SLC25A48: variants seen among roughly 807,000 people sequenced by gnomAD.
SLC25A48 encodes the protein solute carrier family 25 member 48, also known as CTC-321K16.1.
Under a neutral mutation model 32.2 loss-of-function variants are expected in SLC25A48, and 29 were observed. That is an observed-to-expected ratio of 0.90 (90% CI 0.67 to 1.23). SLC25A48 has a LOEUF of 1.23. SLC25A48 is among the 50% of genes most tolerant of loss of function. The pLI, the probability that SLC25A48 is intolerant of heterozygous loss-of-function variation, is 0.00. For synonymous variants in SLC25A48, 164 were observed against 172.3 expected (o/e 0.95, Z 0.38); for missense variants, 399 against 422.7 (o/e 0.94, Z 0.49).
intron 1 of SLC25A48, among the ~76,000 whole-genome samples, chr5:135,597,796 G>T (rs966520175): frequency 6.6e-6 from 1 of 152,164 alleles, no homozygotes; most frequent in East Asian, 1.9e-4. Context: ...CTGAGGTCAG[G>T]AATTTGAGAC....
Position 135,834,811 on chromosome 5 carries a change from T to A in SLC25A48, c.-37T>A. On this transcript the variant is annotated 5_prime_UTR_variant, in exon 1 of 8. Coordinates refer to ENST00000681962, the MANE Select transcript of SLC25A48 (RefSeq NM_001349336.2). ...TGCCCCACTGACTCTAAGTGGGCAC[T>A]GCCCCGGCTCCGGGAGGGCGAGACC... The A allele has an allele frequency of 6.4e-7, 1 of 1,563,220 alleles. No homozygotes were observed. Among genetic ancestry groups the A allele is most frequent in the Non-Finnish European group, 8.7e-7 (1 of 1,154,822 alleles).
At chr5:135,852,890 G>T in intron 4 of SLC25A48, 69 bp downstream of exon 4, 1 of 1,523,874 alleles carries the variant, frequency 6.6e-7, no homozygotes, top group Non-Finnish European at 8.8e-7. Context: ...TGGGATCTGG[G>T]ACATGGTTGT....
chr5:135,762,985 T>C (rs1197756393), intron 3 of SLC25A48, among the ~76,000 whole-genome samples: 1 of 151,934 alleles, frequency 6.6e-6, no homozygotes, highest in East Asian at 1.9e-4. Context: ...CATGTGTATA[T>C]GTGAACGTGA....
chr5:135,704,773 A>G (rs1754470186), intron 3 of SLC25A48, among the ~76,000 whole-genome samples: 1 of 152,358 alleles, frequency 6.6e-6, no homozygotes, highest in African/African-American at 2.4e-5. Flanking sequence ...TCACAGAGCC[A>G]GGATTCAAAT....
chr5:135,652,511 A>G (rs1273560078), intron 3 of SLC25A48: 1 of 452,640 alleles, frequency 2.2e-6, no homozygotes, highest in Admixed American at 2.4e-5. Flanking sequence ...TGGAATTAAC[A>G]GGTCTCACTA....
chr5:135,790,423 G>T lies in SLC25A48; in HGVS notation c.-520-22100G>T, dbSNP rs147227407. 4.8e-4 allele frequency among the ~76,000 whole-genome samples: 73 copies of T among 151,764 alleles called. 1 individual carries two copies. In the East Asian group the frequency reaches 0.013, roughly 27 times the overall value. ...AGTTGTTACTCTTAATGTCACAGTGGGTGTACACGATTTGTGTACATCCTG... is the reference window on the plus strand; with the variant it reads ...AGTTGTTACTCTTAATGTCACAGTGTGTGTACACGATTTGTGTACATCCTG... On this transcript the variant is annotated intron_variant, in intron 3 of 10. Transcript: ENST00000646290.
At position 135,735,248 on chromosome 5, in the gene SLC25A48, G is replaced by A. The variant is rs138654032; in HGVS notation, c.-520-77275G>A. On this transcript the variant is annotated intron_variant, in intron 3 of 10. Coordinates refer to the SLC25A48 transcript ENST00000646290. ...GCTGGGATTTTGTCTCACGGTGGAG[G>A]CAAGTAATTGTAACTTTTCTCTATT... Among the ~76,000 whole-genome samples the A allele has an allele frequency of 5.2e-3, 786 of 152,340 alleles. 4 individuals carry two copies. Among genetic ancestry groups the A allele is most frequent in the African/African-American group, 0.018 (754 of 41,598 alleles).
At chr5:135,748,760 C>T (rs1755701109) in intron 3 of SLC25A48, among the ~76,000 whole-genome samples, 1 of 144,808 alleles carries the variant, frequency 6.9e-6, no homozygotes, top group African/African-American at 2.5e-5. Context: ...TCTCTGTTGC[C>T]CAGGCTGGAG....
At chr5:135,672,576 T>C (rs776391493) in intron 3 of SLC25A48, among the ~76,000 whole-genome samples, 10 of 152,144 alleles carry the variant, frequency 6.6e-5, no homozygotes, top group Non-Finnish European at 1.5e-4. Flanking sequence ...AGACCAGCCA[T>C]GGCCAAGATG....
chr5:135,749,286 CA>C (rs60658262), intron 3 of SLC25A48, among the ~76,000 whole-genome samples: 3 of 150,506 alleles, frequency 2.0e-5, no homozygotes, highest in South Asian at 4.2e-4. Context: ...GTTCCACACA[CA>C]AAAAAAAACC....
At chr5:135,787,660 A>C (rs6877143) in intron 3 of SLC25A48, among the ~76,000 whole-genome samples, 65,553 of 151,646 alleles carry the variant, frequency 0.43, 14,698 homozygotes, top group Non-Finnish European at 0.49. Context: ...GTAATATCCT[A>C]GGGGGGATGT....
At position 135,706,541 on chromosome 5, in the gene SLC25A48, G is replaced by A. The variant is rs192961188; in HGVS notation, c.-521+71585G>A. On this transcript the variant is annotated intron_variant, in intron 3 of 10. Coordinates refer to the SLC25A48 transcript ENST00000646290. ...AATATTTATCAACCATCATCAGCGCGTTGCCATTCTTTCTTGAGAAGCTCC... is the reference window on the plus strand; with the variant it reads ...AATATTTATCAACCATCATCAGCGCATTGCCATTCTTTCTTGAGAAGCTCC... 1.1e-4 allele frequency among the ~76,000 whole-genome samples: 17 copies of A among 152,276 alleles called. No homozygotes were observed. In the East Asian group the frequency reaches 1.7e-3, roughly 16 times the overall value.
intron 1 of SLC25A48, chr5:135,601,177 C>T (rs1049751966): frequency 4.6e-5 from 7 of 152,208 alleles, no homozygotes; most frequent in African/African-American, 1.7e-4. Context: ...TCACCCCATC[C>T]GTGAGGCCAC....
At chr5:135,771,457 T>A (rs2126609435) in intron 3 of SLC25A48, among the ~76,000 whole-genome samples, 1 of 151,748 alleles carries the variant, frequency 6.6e-6, no homozygotes, top group South Asian at 2.1e-4. Flanking sequence ...TGATATAATT[T>A]TCCACATCAT....
rs1168949931 is a variant in SLC25A48, at chr5:135,670,077, TA to T, written c.-521+35124del. On this transcript the variant is annotated intron_variant, in intron 3 of 10. Transcript: ENST00000646290. The stretch of plus-strand genomic sequence containing the variant: ...GATCAATTAACTGGGAGTTTCTTAG[TA>T]AATCGTTGTAGAAGCCTTTGTAGAT... Among the ~76,000 whole-genome samples the T allele has an allele frequency of 7.9e-5, 12 of 152,320 alleles. No individual in the cohort carries two copies. In the South Asian group the frequency reaches 1.7e-3, roughly 21 times the overall value.
chr5:135,604,271 C>T (rs949996961), intron 1 of SLC25A48, among the ~76,000 whole-genome samples: 6 of 152,200 alleles, frequency 3.9e-5, no homozygotes, highest in African/African-American at 1.4e-4. Flanking sequence ...CAAAAACCAA[C>T]GAAAAGCAGT....
chr5:135,800,812 C>T (rs1468395823), intron 3 of SLC25A48, among the ~76,000 whole-genome samples: 2 of 151,404 alleles, frequency 1.3e-5, no homozygotes, highest in Admixed American at 1.3e-4. Context: ...TGATAATACA[C>T]CCCATATCGC....
At chr5:135,606,996 G>T (rs1178219555) in intron 1 of SLC25A48, among the ~76,000 whole-genome samples, 2 of 152,156 alleles carry the variant, frequency 1.3e-5, no homozygotes, top group Non-Finnish European at 2.9e-5. Flanking sequence ...TGCCTTGACT[G>T]CTTCTGGACT....
chr5:135,861,020 A>G (rs901978607), intron 4 of SLC25A48, among the ~76,000 whole-genome samples: 2 of 152,158 alleles, frequency 1.3e-5, no homozygotes, highest in African/African-American at 2.4e-5. Context: ...CTTAGTGGTG[A>G]TCCATGGTTA....
Sources: gnomAD v4.1 joint callset for allele counts (sites outside exome capture counted in the v4.1 genomes callset) on GRCh38, gnomAD v4.1.1 for gene constraint, MANE v1.5 for transcripts, NCBI Gene and HGNC (gene_info 2026-07-23, HGNC 2026-07-21) for gene names.